RPS6KC1: variants seen among roughly 807,000 people sequenced by gnomAD.
The protein encoded by RPS6KC1 is inactive ribosomal protein S6 kinase delta-1.
Under a neutral mutation model 103.8 loss-of-function variants are expected in RPS6KC1, and 54 were observed. That is an observed-to-expected ratio of 0.52 (90% CI 0.42 to 0.65). RPS6KC1 has a LOEUF of 0.65. Among genes scored for constraint, RPS6KC1 ranks in the 30% least tolerant of loss-of-function variants. The pLI is 0.00. For missense variants in RPS6KC1, 1,151 were observed against 1,253.8 expected, an observed-to-expected ratio of 0.92 and a Z score of 1.24; for synonymous variants, 439 against 438.7, an observed-to-expected ratio of 1.00 and a Z score of -0.01.
chr1:213,282,204 A>G, the RPS6KC1 span, among the ~76,000 whole-genome samples: 3 of 152,222 alleles, frequency 2.0e-5, no homozygotes, highest in African/African-American at 4.8e-5. Flanking sequence ...TATGGTTTCA[A>G]CCAAGGAGCC....
chr1:213,596,367 G>A, the RPS6KC1 span, among the ~76,000 whole-genome samples: 1 of 152,174 alleles, frequency 6.6e-6, no homozygotes, highest in African/African-American at 2.4e-5. Context: ...AGTAAAAGGT[G>A]GTTGTCCTCC....
chr1:213,079,158 A>C (rs188548641), intron 3 of RPS6KC1, among the ~76,000 whole-genome samples: 1 of 152,164 alleles, frequency 6.6e-6, no homozygotes. Context: ...TAATATGTAC[A>C]TAGTATTCCA....
the RPS6KC1 span, among the ~76,000 whole-genome samples, chr1:213,781,159 A>G: frequency 3.9e-5 from 6 of 152,254 alleles, no homozygotes; most frequent in African/African-American, 9.6e-5. Flanking sequence ...AACTGTTCCT[A>G]TCACAATAAC....
the RPS6KC1 span, among the ~76,000 whole-genome samples, chr1:213,687,459 C>A: frequency 6.6e-6 from 1 of 152,040 alleles, no homozygotes; most frequent in Non-Finnish European, 1.5e-5. Context: ...GCTTAAACAC[C>A]CCACTTTTAC....
At chr1:213,329,932 C>A in the RPS6KC1 span, among the ~76,000 whole-genome samples, 1 of 152,094 alleles carries the variant, frequency 6.6e-6, no homozygotes, top group African/African-American at 2.4e-5. Flanking sequence ...GAAACCTTGG[C>A]ACCCTCTCAA....
chr1:213,363,682 CTTT>C, the RPS6KC1 span, among the ~76,000 whole-genome samples: 126 of 105,016 alleles, frequency 1.2e-3, 17 homozygotes, highest in African/African-American at 5.4e-3. Context: ...TTCTTTCTTT[CTTT>C]CTTTCTTTCT....
the RPS6KC1 span, among the ~76,000 whole-genome samples, chr1:213,397,747 A>C: frequency 1.3e-5 from 2 of 152,194 alleles, no homozygotes; most frequent in African/African-American, 4.8e-5. Context: ...AAATGGACTC[A>C]AGCTTCAAAG....
At chr1:213,838,908 A>G in the RPS6KC1 span, among the ~76,000 whole-genome samples, 2 of 152,242 alleles carry the variant, frequency 1.3e-5, no homozygotes, top group African/African-American at 4.8e-5. Context: ...TGCTTAAAGC[A>G]GAAGATTTAT....
the RPS6KC1 span, among the ~76,000 whole-genome samples, chr1:213,684,849 T>A: frequency 6.6e-6 from 1 of 152,364 alleles, no homozygotes; most frequent in African/African-American, 2.4e-5. Flanking sequence ...GATGCCTTTC[T>A]GCGAATGAAG....
At chr1:213,561,251 T>C in the RPS6KC1 span, among the ~76,000 whole-genome samples, 1 of 152,216 alleles carries the variant, frequency 6.6e-6, no homozygotes, top group Non-Finnish European at 1.5e-5. Flanking sequence ...CCCCTTCCCA[T>C]GAAATTTTAT....
In RPS6KC1 at chr1:213,077,811, T is replaced by G. The variant is rs1340094311; in HGVS notation, c.257T>G (p.Val86Gly). Residue 86 changes from valine to glycine, a missense_variant, in exon 3 of 15, where the codon GTG becomes GGG. Physicochemically the swap from Val to Gly is moderately radical, Grantham distance 109 (BLOSUM62 -3). Around this residue, in one of 3 missense-constraint regions of RPS6KC1, gnomAD observed 959 missense variants for 1,006.3 expected, o/e 0.95. Transcript: ENST00000366960. ...ELFPPFAKGI[V>G]FGRFDETVIE... ...TTTCCTCCATTTGCTAAAGGAATAG[T>G]GTTTGGTAAGTGATTATTTTGAAAT... 1 of 1,533,880 alleles carries G rather than the reference T, an allele frequency of 6.5e-7. No homozygotes were observed. The highest frequency in any genetic ancestry group is 8.8e-7 in the Non-Finnish European group (1 of 1,136,706).
At chr1:213,143,556 A>G (rs74352331) in intron 6 of RPS6KC1, among the ~76,000 whole-genome samples, 3,417 of 151,818 alleles carry the variant, frequency 0.023, 140 homozygotes, top group African/African-American at 0.077. Flanking sequence ...TTTTTAATAT[A>G]CATTTAGGAT....
the RPS6KC1 span, among the ~76,000 whole-genome samples, chr1:213,427,738 A>G: frequency 2.6e-5 from 4 of 152,204 alleles, no homozygotes; most frequent in African/African-American, 9.6e-5. Flanking sequence ...TTCTTGTGCC[A>G]AGAGCAGGTT....
At position 213,152,662 on chromosome 1, in the gene RPS6KC1, C is replaced by T. The variant is rs1439196251; in HGVS notation, c.836-15196C>T. On this transcript the variant is annotated intron_variant, in intron 6 of 14. Transcript: ENST00000366960. ...CGATGGGCGGCCGGGCAGAGACGCT[C>T]CTCACTTCCTAGATGTGATGGCGGC... 4.6e-5 allele frequency among the ~76,000 whole-genome samples: 7 copies of T among 151,704 alleles called. No homozygotes were observed. In the East Asian group the frequency reaches 5.9e-4, roughly 13 times the overall value.
the RPS6KC1 span, among the ~76,000 whole-genome samples, chr1:213,501,276 G>C: frequency 6.6e-6 from 1 of 152,138 alleles, no homozygotes; most frequent in African/African-American, 2.4e-5. Context: ...AAGTCATTTT[G>C]AGAAAAACAA....
At chr1:213,735,010 A>G in the RPS6KC1 span, among the ~76,000 whole-genome samples, 222 of 151,980 alleles carry the variant, frequency 1.5e-3, 2 homozygotes, top group Admixed American at 4.0e-3. Context: ...TGCAAGCTCC[A>G]CCTCCTGGGT....
chr1:213,262,789 T>A lies in RPS6KC1; in HGVS notation c.3063T>A (p.Ser1021=). ...HTTLNMPECV[S]EEARSLIQQL... is the part of the protein sequence containing the mutation. ...CTTTGAACATGCCAGAATGTGTCTC[T>A]GAAGAGGCTCGCTCACTCATTCAAC... The change falls in exon 14 of 15, where the codon TCT becomes TCA. Residue 1021 remains serine (S), a synonymous_variant. Transcript: ENST00000366960. 1 of 1,612,032 alleles carries A rather than the reference T, an allele frequency of 6.2e-7. No individual in the cohort carries two copies. Among genetic ancestry groups the A allele is most frequent in the Non-Finnish European group, 8.5e-7 (1 of 1,178,086 alleles).
At position 213,274,540 on chromosome 1, in the gene RPS6KC1, A is replaced by G. The variant is rs1212661992; in HGVS notation, c.*1906A>G. ...ATATGTTTGGTTGGAGCTTGTGCCT[A>G]ATGTAAATACATCATTCATAATTAG... On this transcript the variant is annotated 3_prime_UTR_variant, in exon 15 of 15. Transcript: ENST00000366960. The G allele has an allele frequency of 1.3e-5, 2 of 152,152 alleles. No individual in the cohort carries two copies. Among genetic ancestry groups the G allele is most frequent in the South Asian group, 2.1e-4 (1 of 4,834 alleles). 9.4% of individuals were successfully genotyped at this position (152,152 alleles called of 1,614,324 possible).
the RPS6KC1 span, among the ~76,000 whole-genome samples, chr1:213,769,736 G>C: frequency 6.6e-6 from 1 of 152,070 alleles, no homozygotes; most frequent in Non-Finnish European, 1.5e-5. Context: ...AAAAGAAAAT[G>C]ACAGGCACTC....
Sources: allele counts gnomAD v4.1 joint callset (sites outside exome capture counted in the v4.1 genomes callset), GRCh38; gene constraint gnomAD v4.1.1; regional missense constraint gnomAD v4.1.1; transcripts MANE v1.5; gene names NCBI Gene and HGNC (gene_info 2026-07-23, HGNC 2026-07-21).